USP32: variants seen among roughly 807,000 people sequenced by gnomAD.
USP32 encodes ubiquitin carboxyl-terminal hydrolase 32.
A neutral mutation model predicts 204.8 loss-of-function variants in USP32; 59 were observed. The observed-to-expected ratio is 0.29, with a 90% CI of 0.23 to 0.36. The LOEUF is 0.36. Ranked by LOEUF, USP32 falls within the 10% of genes least tolerant of loss-of-function variation. The pLI is 1.00. For missense variants in USP32, 1,160 were observed against 1,946.4 expected (o/e 0.60, Z 7.60); for synonymous variants, 517 against 678.4 (o/e 0.76, Z 3.70).
intron 5 of USP32, among the ~76,000 whole-genome samples, chr17:60,271,857 G>A (rs1230849715): frequency 6.6e-6 from 1 of 150,416 alleles, no homozygotes; most frequent in African/African-American, 2.4e-5. Flanking sequence ...TCACTCCCAA[G>A]CTGGAGTGCA....
chr17:60,393,018 G>T (rs2089866915), upstream of USP32, among the ~76,000 whole-genome samples: 1 of 152,120 alleles, frequency 6.6e-6, no homozygotes, highest in African/African-American at 2.4e-5. Context: ...GAGTTCAGTG[G>T]CGTTAAGAAC....
At chr17:60,368,384 G>A (rs1598292501) in intron 1 of USP32, among the ~76,000 whole-genome samples, 1 of 152,050 alleles carries the variant, frequency 6.6e-6, no homozygotes, top group African/African-American at 2.4e-5. Context: ...AGTCAACAGG[G>A]AAAAGTGTTC....
At position 60,276,489 on chromosome 17, in the gene USP32, A is replaced by G. The variant is rs75689043; in HGVS notation, c.572-5008T>C. Among the ~76,000 whole-genome samples, 16 of 152,286 alleles carry G rather than the reference A, an allele frequency of 1.1e-4. No individual in the cohort carries two copies. In the East Asian group the frequency reaches 3.1e-3, roughly 29 times the overall value. The stretch of plus-strand genomic sequence containing the variant: ...AGAAACACTAGCTTTTTCAAGTTCT[A>G]AACTCTTCCAAGTAGTAGATCAGCA... On this transcript the variant is annotated intron_variant, in intron 5 of 33. Coordinates refer to ENST00000300896, the MANE Select transcript of USP32 (RefSeq NM_032582.4).
At position 60,288,588 on chromosome 17, in the gene USP32, T is replaced by C. The variant is rs962576565; in HGVS notation, c.506A>G (p.Tyr169Cys). 1 of 1,613,744 alleles carries C rather than the reference T, an allele frequency of 6.2e-7. No individual in the cohort carries two copies. Among genetic ancestry groups the C allele is most frequent in the African/African-American group, 1.3e-5 (1 of 74,890 alleles). The change falls in exon 5 of 34, where the codon TAT (tyrosine) becomes TGT (cysteine). Residue 169 changes from tyrosine (Y) to cysteine (C), a missense_variant. Physicochemically the swap from Tyr to Cys is radical, Grantham distance 194. This residue lies in a region of USP32 where 536 missense variants were observed against 680.9 expected (regional missense o/e 0.79). Transcript: ENST00000300896. ...FSRWLLSGGVYVTLTDDSDTP... is the reference protein window; with the variant it reads ...FSRWLLSGGVCVTLTDDSDTP... The stretch of plus-strand genomic sequence containing the variant: ...ATCACTATCATCAGTGAGGGTAACA[T>C]ACACACCTCCAGATAGAAGCCATCG...
chr17:60,399,210 A>G (rs147948547), intron 1 of USP32, among the ~76,000 whole-genome samples: 5 of 152,300 alleles, frequency 3.3e-5, no homozygotes, highest in African/African-American at 9.6e-5. Context: ...CTGAAGATAC[A>G]GAATTGAGCA....
chr17:60,293,355 G>A (rs916516013), intron 4 of USP32, among the ~76,000 whole-genome samples: 5 of 152,120 alleles, frequency 3.3e-5, no homozygotes, highest in African/African-American at 4.8e-5. Context: ...GGACATCTAT[G>A]TCAAAAATCC....
intron 21 of USP32, among the ~76,000 whole-genome samples, chr17:60,209,958 AAAT>A (rs1287239928): frequency 3.4e-4 from 51 of 152,024 alleles, no homozygotes; most frequent in Admixed American, 2.7e-3. Flanking sequence ...CATATGCATA[AAAT>A]AATGTGTATA....
chr17:60,275,604 T>G (rs970137362), intron 5 of USP32, among the ~76,000 whole-genome samples: 2 of 152,212 alleles, frequency 1.3e-5, no homozygotes, highest in African/African-American at 4.8e-5. Flanking sequence ...CTAGTAACTT[T>G]CATTTATTTA....
chr17:60,226,316 T>A (rs1598097722), intron 12 of USP32, 85 bp from the exon 13 acceptor site: 3 of 1,278,124 alleles, frequency 2.3e-6, no homozygotes, highest in East Asian at 2.8e-5. Flanking sequence ...CACAATTATC[T>A]ATTTTTTTAA....
intron 12 of USP32, among the ~76,000 whole-genome samples, chr17:60,232,172 T>TTC (rs1555595251): frequency 2.9e-5 from 4 of 136,046 alleles, no homozygotes; most frequent in African/African-American, 1.2e-4. Flanking sequence ...CTTTTTCTTT[T>TTC]TTTTTTTTTT....
chr17:60,421,965 A>T (rs1461031978), intron 1 of USP32: 7 of 984,838 alleles, frequency 7.1e-6, no homozygotes, highest in Non-Finnish European at 8.4e-6. Flanking sequence ...GCCCGTAGGC[A>T]CTGGCGGGGA....
At chr17:60,372,538 A>G (rs2089460326) in intron 1 of USP32, among the ~76,000 whole-genome samples, 1 of 151,242 alleles carries the variant, frequency 6.6e-6, no homozygotes, top group African/African-American at 2.4e-5. Context: ...ATATAGCCTT[A>G]AAGATAAAAA....
At chr17:60,397,823 C>T (rs556842181) in intron 1 of USP32, among the ~76,000 whole-genome samples, 11 of 152,044 alleles carry the variant, frequency 7.2e-5, no homozygotes, top group Non-Finnish European at 1.3e-4. Flanking sequence ...GGCCTGCCTA[C>T]GTATAGGTAT....
intron 1 of USP32, among the ~76,000 whole-genome samples, chr17:60,391,550 G>A (rs1467491580): frequency 2.0e-5 from 3 of 152,122 alleles, no homozygotes; most frequent in Non-Finnish European, 4.4e-5. Flanking sequence ...AAGGATGAGG[G>A]GGGCTGGATG....
intron 5 of USP32, among the ~76,000 whole-genome samples, chr17:60,281,122 G>A (rs1285271033): frequency 6.6e-6 from 1 of 152,188 alleles, no homozygotes; most frequent in Non-Finnish European, 1.5e-5. Context: ...CTGATCTACA[G>A]CCCTCTATTT....
intron 1 of USP32, among the ~76,000 whole-genome samples, chr17:60,414,762 T>C (rs190596828): frequency 9.2e-5 from 14 of 152,290 alleles, no homozygotes; most frequent in African/African-American, 3.1e-4. Flanking sequence ...GCCTTCTTGT[T>C]CATCAAGTTG....
intron 1 of USP32, among the ~76,000 whole-genome samples, chr17:60,365,838 A>G (rs533532305): frequency 1.3e-5 from 2 of 152,350 alleles, no homozygotes; most frequent in African/African-American, 4.8e-5. Flanking sequence ...TAAATCTACC[A>G]AAGAGTTTGG....
intron 1 of USP32, among the ~76,000 whole-genome samples, chr17:60,418,382 C>T (rs972849231): frequency 2.6e-4 from 39 of 150,306 alleles, no homozygotes; most frequent in African/African-American, 8.9e-4. Flanking sequence ...TGTGAGCCAC[C>T]GTGCCTGGCC....
intron 3 of USP32, among the ~76,000 whole-genome samples, chr17:60,297,433 A>G (rs1020322537): frequency 1.3e-5 from 2 of 148,594 alleles, no homozygotes; most frequent in East Asian, 1.9e-4. Context: ...AACTGCTACA[A>G]TGTTTTTCCT....
Sources: allele counts gnomAD v4.1 joint callset (sites outside exome capture counted in the v4.1 genomes callset), GRCh38; gene constraint gnomAD v4.1.1; regional missense constraint gnomAD v4.1.1; transcripts MANE v1.5; gene names NCBI Gene and HGNC (gene_info 2026-07-23, HGNC 2026-07-21).